The following NLGN1 variants were observed in gnomAD, a reference collection of about 807,000 sequenced individuals.
The protein encoded by NLGN1 is neuroligin 1, also known as neuroligin-1.
Under a neutral mutation model 65.5 loss-of-function variants are expected in NLGN1, and 12 were observed. The ratio of observed to expected loss-of-function variants is 0.18; its 90% CI spans 0.12 to 0.30. NLGN1 has a LOEUF of 0.30. Among genes scored for constraint, NLGN1 ranks in the 10% least tolerant of loss-of-function variants. The pLI is 1.00. For missense variants in NLGN1, 750 were observed against 1,007.1 expected, an observed-to-expected ratio of 0.74 and a Z score of 3.46; for synonymous variants, 350 against 359.5, an observed-to-expected ratio of 0.97 and a Z score of 0.30.
intron 4 of NLGN1, among the ~76,000 whole-genome samples, chr3:174,181,778 TACACACAC>T (rs3035853): frequency 7.0e-6 from 1 of 142,590 alleles, no homozygotes; most frequent in African/African-American, 2.6e-5. Context: ...AAAATAAAAA[TACACACAC>T]ACACACACAC....
At chr3:174,039,639 GT>G (rs1409248989) in intron 4 of NLGN1, among the ~76,000 whole-genome samples, 31 of 152,158 alleles carry the variant, frequency 2.0e-4, no homozygotes, top group African/African-American at 7.5e-4. Flanking sequence ...AGTTAGTGAA[GT>G]TATTGGAGCT....
At chr3:173,642,364 A>T (rs187317133) in intron 3 of NLGN1, among the ~76,000 whole-genome samples, 7 of 152,278 alleles carry the variant, frequency 4.6e-5, no homozygotes, top group Non-Finnish European at 1.0e-4. Context: ...GGGGAGATGC[A>T]GTCCAGCCGA....
chr3:173,447,340 G>A, intron 2 of NLGN1, among the ~76,000 whole-genome samples: 1 of 152,124 alleles, frequency 6.6e-6, no homozygotes, highest in East Asian at 1.9e-4. Context: ...CCCATTGCTT[G>A]TTTTTCTCAG....
intron 3 of NLGN1, among the ~76,000 whole-genome samples, chr3:173,786,302 G>T (rs1318892489): frequency 6.6e-6 from 1 of 152,064 alleles, no homozygotes; most frequent in African/African-American, 2.4e-5. Flanking sequence ...ATATCCCTAT[G>T]TGTTCAGTTT....
At chr3:174,229,972 T>G (rs533571796) in intron 4 of NLGN1, among the ~76,000 whole-genome samples, 1 of 152,334 alleles carries the variant, frequency 6.6e-6, no homozygotes, top group South Asian at 2.1e-4. Context: ...ATTAAACATC[T>G]AGAGAAATCC....
chr3:173,825,555 G>T (rs1233761008), intron 4 of NLGN1, among the ~76,000 whole-genome samples: 1 of 151,860 alleles, frequency 6.6e-6, no homozygotes, highest in African/African-American at 2.4e-5. Context: ...AGAAAATAAT[G>T]GATGCTTACA....
intron 2 of NLGN1, among the ~76,000 whole-genome samples, chr3:173,464,844 T>C (rs932140072): frequency 1.3e-5 from 2 of 151,792 alleles, no homozygotes; most frequent in African/African-American, 4.8e-5. Flanking sequence ...AGTCTTCAAA[T>C]GACCTATTTA....
chr3:173,539,474 C>A (rs576499968), intron 2 of NLGN1, among the ~76,000 whole-genome samples: 7 of 139,998 alleles, frequency 5.0e-5, no homozygotes, highest in Non-Finnish European at 1.1e-4. Context: ...TATGTATATA[C>A]GCATATGCAT....
intron 4 of NLGN1, among the ~76,000 whole-genome samples, chr3:174,275,053 G>A (rs1478592909): frequency 6.6e-6 from 1 of 151,820 alleles, no homozygotes; most frequent in Non-Finnish European, 1.5e-5. Context: ...CAGAATGTTT[G>A]CCTTCCCTTT....
chr3:173,844,635 G>A (rs951231668), intron 4 of NLGN1, among the ~76,000 whole-genome samples: 4 of 152,154 alleles, frequency 2.6e-5, no homozygotes, highest in African/African-American at 9.7e-5. Flanking sequence ...CATCTCCTCT[G>A]CATTTAGAGT....
chr3:173,406,765 AC>A (rs1718781876), intron 1 of NLGN1, among the ~76,000 whole-genome samples: 1 of 151,914 alleles, frequency 6.6e-6, no homozygotes, highest in South Asian at 2.1e-4. Flanking sequence ...CTGGGCACTT[AC>A]TTTTTGATGA....
At chr3:173,974,209 T>G (rs1379823258) in intron 4 of NLGN1, among the ~76,000 whole-genome samples, 1 of 151,098 alleles carries the variant, frequency 6.6e-6, no homozygotes, top group Admixed American at 6.6e-5. Flanking sequence ...GGGTATTTGA[T>G]GAAAGATTTA....
chr3:173,925,306 A>C (rs2152272863), intron 4 of NLGN1, among the ~76,000 whole-genome samples: 1 of 152,250 alleles, frequency 6.6e-6, no homozygotes, highest in South Asian at 2.1e-4. Context: ...TTTTGATTCA[A>C]GTTTTGGACT....
At chr3:174,080,720 A>C (rs74711811) in intron 4 of NLGN1, among the ~76,000 whole-genome samples, 4,841 of 151,014 alleles carry the variant, frequency 0.032, 264 homozygotes, top group African/African-American at 0.11. Flanking sequence ...CCAGCTCCTG[A>C]GATCTTATCA....
chr3:173,885,307 A>G (rs1734126458), intron 4 of NLGN1, among the ~76,000 whole-genome samples: 1 of 151,880 alleles, frequency 6.6e-6, no homozygotes. Flanking sequence ...TATTTTTTTC[A>G]AACATATGAT....
intron 4 of NLGN1, among the ~76,000 whole-genome samples, chr3:174,194,694 G>A (rs543913015): frequency 1.5e-3 from 216 of 147,418 alleles, no homozygotes; most frequent in Non-Finnish European, 2.6e-3. Flanking sequence ...GTGTGTGTGT[G>A]TATATATATA....
At chr3:174,160,179 A>G (rs1726226169) in intron 4 of NLGN1, among the ~76,000 whole-genome samples, 1 of 151,784 alleles carries the variant, frequency 6.6e-6, no homozygotes, top group Non-Finnish European at 1.5e-5. Flanking sequence ...AAATAGTTTC[A>G]CACTCACAGA....
At chr3:173,789,858 C>G in intron 3 of NLGN1, 1 of 514,510 alleles carries the variant, frequency 1.9e-6, no homozygotes, top group Non-Finnish European at 3.9e-6. Flanking sequence ...TTTTTCCCAA[C>G]TGCCTCACCT....
At chr3:173,606,102 A>T (rs1410875544) in intron 3 of NLGN1, among the ~76,000 whole-genome samples, 1 of 152,064 alleles carries the variant, frequency 6.6e-6, no homozygotes, top group East Asian at 1.9e-4. Flanking sequence ...TATTATTATT[A>T]AGGTAATAGT....
Sources: gnomAD v4.1 joint callset for allele counts (sites outside exome capture counted in the v4.1 genomes callset) on GRCh38, gnomAD v4.1.1 for gene constraint, MANE v1.5 for transcripts, NCBI Gene and HGNC (gene_info 2026-07-23, HGNC 2026-07-21) for gene names.